The following FBXO42 variants were observed in gnomAD, a reference collection of about 807,000 sequenced individuals.
The protein encoded by FBXO42 is F-box only protein 42.
Under a neutral mutation model 71.7 loss-of-function variants are expected in FBXO42, and 12 were observed. That is an observed-to-expected ratio of 0.17 (90% CI 0.11 to 0.27). FBXO42 has a LOEUF of 0.27. Ranked by LOEUF, FBXO42 falls within the 10% of genes least tolerant of loss-of-function variation. The probability of loss-of-function intolerance (pLI) is 1.00; values close to 1 mark genes in which losing one functional copy is unlikely to be tolerated. For synonymous variants in FBXO42, 325 were observed against 327.5 expected (o/e 0.99, Z 0.08); for missense variants, 707 against 911.9 (o/e 0.78, Z 2.89).
chr1:16,280,538 A>G (rs2081952114), intron 4 of FBXO42, among the ~76,000 whole-genome samples: 1 of 152,222 alleles, frequency 6.6e-6, no homozygotes, highest in Non-Finnish European at 1.5e-5. Context: ...CACCAACCTA[A>G]TAATTGTCAC....
At position 16,252,271 on chromosome 1, in the gene FBXO42, G is replaced by C; in HGVS notation, c.1038+17C>G. 6.3e-7 allele frequency: 1 copy of C among 1,591,644 alleles called. No individual in the cohort carries two copies. Among genetic ancestry groups the C allele is most frequent in the Non-Finnish European group, 8.6e-7 (1 of 1,159,622 alleles). ...TTAGGACCTGTCCTCCTGCTAGCCT[G>C]TCAGCTCCCTGCTTACCCGGCAAGC... On this transcript the variant is annotated intron_variant, in intron 9 of 9. Coordinates refer to ENST00000375592, the MANE Select transcript of FBXO42 (RefSeq NM_018994.3). The surrounding 1 kb of genome is among the most constrained non-coding windows in gnomAD (Gnocchi z 4.4).
At chr1:16,309,501 AAAT>A (rs1348075112) in intron 2 of FBXO42, among the ~76,000 whole-genome samples, 1 of 152,232 alleles carries the variant, frequency 6.6e-6, no homozygotes, top group African/African-American at 2.4e-5. Context: ...TCACAATCCT[AAAT>A]GTAAAACATA....
chr1:16,259,344 G>GA (rs1346379829), intron 4 of FBXO42, among the ~76,000 whole-genome samples: 1 of 151,886 alleles, frequency 6.6e-6, no homozygotes, highest in Non-Finnish European at 1.5e-5. Context: ...GAAACAGTTA[G>GA]AAAAAAGAAA....
chr1:16,330,845 G>A (rs1251225484), intron 1 of FBXO42, among the ~76,000 whole-genome samples: 1 of 152,130 alleles, frequency 6.6e-6, no homozygotes, highest in African/African-American at 2.4e-5. Flanking sequence ...AGGAGGCTGA[G>A]GCAGGAGAAT....
chr1:16,350,764 A>C (rs1343439337), intron 1 of FBXO42, among the ~76,000 whole-genome samples: 1 of 140,526 alleles, frequency 7.1e-6, no homozygotes, highest in South Asian at 2.2e-4. Flanking sequence ...AAAAAAAGAA[A>C]GAAAGAAAGA....
intron 3 of FBXO42, among the ~76,000 whole-genome samples, chr1:16,297,478 C>T (rs934007514): frequency 1.3e-5 from 2 of 152,090 alleles, no homozygotes; most frequent in Non-Finnish European, 2.9e-5. Flanking sequence ...AGAAATTAGA[C>T]AAAACAGATC....
intron 1 of FBXO42, among the ~76,000 whole-genome samples, chr1:16,332,081 A>G (rs542177294): frequency 4.6e-4 from 70 of 152,202 alleles, no homozygotes; most frequent in African/African-American, 1.6e-3. Context: ...AAAGTATATG[A>G]TATCAGTTGC....
chr1:16,285,161 C>CAAAA (rs1033565763), intron 4 of FBXO42, among the ~76,000 whole-genome samples: 2 of 151,802 alleles, frequency 1.3e-5, no homozygotes, highest in African/African-American at 4.8e-5. Flanking sequence ...AACAAACAAA[C>CAAAA]AAAAAACACA....
At chr1:16,303,796 A>G (rs1159130670) in intron 3 of FBXO42, among the ~76,000 whole-genome samples, 2 of 152,116 alleles carry the variant, frequency 1.3e-5, no homozygotes, top group Non-Finnish European at 2.9e-5. Context: ...CCGAGGCTAG[A>G]GTGCAGTGGC....
chr1:16,347,761 G>A (rs904433083), intron 1 of FBXO42, among the ~76,000 whole-genome samples: 4 of 152,014 alleles, frequency 2.6e-5, no homozygotes, highest in African/African-American at 7.2e-5. Flanking sequence ...AGGCCGAGGC[G>A]GGCAGATCAC....
Position 16,252,340 on chromosome 1 carries a change from A to G in FBXO42, c.986T>C (p.Val329Ala). 3.1e-6 allele frequency: 5 copies of G among 1,614,116 alleles called. No homozygotes were observed. Among genetic ancestry groups the G allele is most frequent in the Non-Finnish European group, 4.2e-6 (5 of 1,180,026 alleles). Reference protein sequence around the residue: ...SGPWAWQPLKVENEEHGAPEL... With the variant: ...SGPWAWQPLKAENEEHGAPEL... ...TGGGGCCCCATGCTCTTCATTTTCT[A>G]CCTTGAGTGGCTGCCAGGCCCAAGG... The change falls in exon 9 of 10, where the codon GTA becomes GCA. Residue 329 changes from valine (V) to alanine (A), a missense_variant. Physicochemically the swap from Val to Ala is moderately conservative, Grantham distance 64 (BLOSUM62 0). This residue lies in a region of FBXO42 where 482 missense variants were observed against 587.1 expected (regional missense o/e 0.82). Transcript: ENST00000375592. This position sits in a 1 kb window ranked among gnomAD's most constrained non-coding sequence, Gnocchi z 4.4.
intron 4 of FBXO42, among the ~76,000 whole-genome samples, chr1:16,266,011 C>CT (rs142797369): frequency 0.027 from 4,036 of 152,158 alleles, 184 homozygotes; most frequent in African/African-American, 0.09. Flanking sequence ...ACACTTCAGA[C>CT]TTTTGGGGAG....
In FBXO42 at chr1:16,253,749, A is replaced by T. The variant is rs1212145470; in HGVS notation, c.768-18T>A. 6.2e-7 allele frequency: 1 copy of T among 1,611,696 alleles called. No homozygotes were observed. Among genetic ancestry groups the T allele is most frequent in the Non-Finnish European group, 8.5e-7 (1 of 1,178,088 alleles). ...CATTGCTCCTGTGAATTAAGGACAG[A>T]AGGATAAAGGTAGTTAGGAGCTCCC... On this transcript the variant is annotated intron_variant, in intron 6 of 9. Transcript: ENST00000375592.
Position 16,315,422 on chromosome 1 carries a change from AT to A in FBXO42, c.-5del. ...CACTGTCCGAGGAGCTGGCCATGAC[AT>A]TCCACTCAACAGCTGTAATAGGTAA... On this transcript the variant is annotated 5_prime_UTR_variant, in exon 2 of 10. It adds an upstream start codon to the 5' untranslated region. Transcript: ENST00000375592. 6.2e-7 allele frequency: 1 copy of A among 1,613,416 alleles called. No homozygotes were observed. Among genetic ancestry groups the A allele is most frequent in the Non-Finnish European group, 8.5e-7 (1 of 1,179,706 alleles).
chr1:16,272,345 C>T (rs1402641888), intron 4 of FBXO42, among the ~76,000 whole-genome samples: 2 of 151,574 alleles, frequency 1.3e-5, no homozygotes, highest in African/African-American at 2.4e-5. Flanking sequence ...CCGCAACTCC[C>T]GCCTCCCGGG....
chr1:16,315,021 G>T, intron 2 of FBXO42, 148 bp downstream of exon 2: 1 of 768,464 alleles, frequency 1.3e-6, no homozygotes, highest in South Asian at 2.1e-5. Context: ...AACTAACCAG[G>T]GTAAGAAAGA....
intron 4 of FBXO42, among the ~76,000 whole-genome samples, chr1:16,269,512 C>A (rs1198326023): frequency 2.6e-5 from 4 of 151,914 alleles, no homozygotes; most frequent in African/African-American, 9.7e-5. Context: ...TGTGCCACCA[C>A]ATCTGGCTAC....
intron 2 of FBXO42, among the ~76,000 whole-genome samples, chr1:16,311,497 A>AT (rs1276021315): frequency 1.7e-3 from 129 of 78,106 alleles, no homozygotes; most frequent in African/African-American, 4.7e-3. Flanking sequence ...CAAAAAAAAA[A>AT]AAAAAAATAT....
intron 3 of FBXO42, among the ~76,000 whole-genome samples, chr1:16,299,476 C>A (rs907268497): frequency 3.3e-5 from 5 of 152,078 alleles, no homozygotes; most frequent in African/African-American, 1.2e-4. Context: ...CCAAAGTATG[C>A]AAAGCTAATG....
Sources: allele counts gnomAD v4.1 joint callset (sites outside exome capture counted in the v4.1 genomes callset), GRCh38; gene constraint gnomAD v4.1.1; regional missense constraint gnomAD v4.1.1; non-coding constraint Gnocchi (gnomAD v3.1); transcripts MANE v1.5; gene names NCBI Gene and HGNC (gene_info 2026-07-23, HGNC 2026-07-21).